The following HTT variants were observed in gnomAD, a reference collection of about 807,000 sequenced individuals.
HTT encodes the protein huntington disease protein.
In HTT, 104 loss-of-function variants were observed where a neutral mutation model predicts 362.3. That is an observed-to-expected ratio of 0.29 (90% CI 0.24 to 0.34). The LOEUF (loss-of-function observed/expected upper bound fraction) is 0.34, where lower values mean the gene tolerates loss of function less well. Among genes scored for constraint, HTT ranks in the 10% least tolerant of loss-of-function variants. The probability of loss-of-function intolerance (pLI) is 1.00; values close to 1 mark genes in which losing one functional copy is unlikely to be tolerated. For synonymous variants in HTT, 1,577 were observed against 1,548.7 expected, an observed-to-expected ratio of 1.02 and a Z score of -0.43; for missense variants, 3,301 against 3,928.6, an observed-to-expected ratio of 0.84 and a Z score of 4.27.
At chr4:3,097,870 G>T (rs896493993) in intron 2 of HTT, among the ~76,000 whole-genome samples, 1 of 152,092 alleles carries the variant, frequency 6.6e-6, no homozygotes, top group African/African-American at 2.4e-5. Flanking sequence ...AATGGTATAC[G>T]AACTTTTTCA....
At chr4:3,202,449 C>G (rs1719627262) in intron 41 of HTT, among the ~76,000 whole-genome samples, 1 of 152,224 alleles carries the variant, frequency 6.6e-6, no homozygotes, top group Admixed American at 6.5e-5. Flanking sequence ...GTGTAAGTCA[C>G]ACTGCGCTGG....
rs961718481 is a variant in HTT at position 3,242,681 on chromosome 4, T to A, written c.*2622T>A. 6.6e-6 allele frequency: 1 copy of A among 152,192 alleles called. No homozygotes were observed. Among genetic ancestry groups the A allele is most frequent in the Non-Finnish European group, 1.5e-5 (1 of 68,030 alleles). 9.4% of individuals were successfully genotyped at this position (152,192 alleles called of 1,614,324 possible). On this transcript the variant is annotated 3_prime_UTR_variant, in exon 67 of 67. Coordinates refer to ENST00000355072, the MANE Select transcript of HTT (RefSeq NM_001388492.1). ...CCTAAAAATCTGTGGCAAGCACCCA[T>A]CGTATTATCCAAATTTTGTTGCAAA...
At chr4:3,115,590 G>A in intron 7 of HTT, 145 bp downstream of exon 7, 1 of 666,250 alleles carries the variant, frequency 1.5e-6, no homozygotes, top group South Asian at 2.0e-5. Flanking sequence ...TGGGGCTGCT[G>A]TGAGCCCGCA....
intron 37 of HTT, among the ~76,000 whole-genome samples, chr4:3,186,115 G>A (rs1369321118): frequency 6.6e-6 from 1 of 152,050 alleles, no homozygotes; most frequent in Non-Finnish European, 1.5e-5. Context: ...ATGGCTATAG[G>A]AACATGGGGC....
At chr4:3,096,512 G>GT (rs1713864833) in intron 2 of HTT, among the ~76,000 whole-genome samples, 1 of 152,184 alleles carries the variant, frequency 6.6e-6, no homozygotes, top group South Asian at 2.1e-4. Context: ...ATTATTCAGA[G>GT]TATGTTTTCT....
At chr4:3,081,550 C>CTTTTTTTTTT (rs770325842) in intron 1 of HTT, among the ~76,000 whole-genome samples, 2 of 84,526 alleles carry the variant, frequency 2.4e-5, no homozygotes, top group Admixed American at 1.5e-4. Context: ...GAAAGCATTT[C>CTTTTTTTTTT]TTTTTTTTTT....
At position 3,240,117 on chromosome 4, in the gene HTT, G is replaced by C; in HGVS notation, c.*58G>C. 1 of 1,421,126 alleles carries C rather than the reference G, an allele frequency of 7.0e-7. No homozygotes were observed. Among genetic ancestry groups the C allele is most frequent in the Non-Finnish European group, 9.7e-7 (1 of 1,033,806 alleles). 88.0% of individuals were successfully genotyped at this position (1,421,126 alleles called of 1,614,324 possible). A position where few individuals can be genotyped will look rare whatever the true frequency, so the allele number is the denominator to read the frequency against. On this transcript the variant is annotated 3_prime_UTR_variant, in exon 67 of 67. Coordinates refer to ENST00000355072, the MANE Select transcript of HTT (RefSeq NM_001388492.1). ...CTGGGGCCGGAGCCTTTGGAAGTCT[G>C]CGCCCTTGTGCCCTGCCTCCACCGA...
intron 40 of HTT, 110 bp from the exon 41 acceptor site, chr4:3,199,622 A>G: frequency 2.3e-6 from 2 of 873,444 alleles, no homozygotes; most frequent in African/African-American, 1.7e-5. Flanking sequence ...TGAATACGTA[A>G]GTATGGGAGA....
intron 51 of HTT, among the ~76,000 whole-genome samples, chr4:3,216,569 G>A (rs903796271): frequency 2.6e-5 from 4 of 152,220 alleles, no homozygotes; most frequent in African/African-American, 9.7e-5. Flanking sequence ...AAACAGTTGA[G>A]ACATCTTGGC....
Position 3,182,298 on chromosome 4 carries a change from A to AG in HTT, c.4750-52dup, listed in dbSNP as rs1718562265. 2.5e-5 allele frequency: 26 copies of AG among 1,051,140 alleles called. No homozygotes were observed. In the South Asian group the frequency reaches 3.4e-4, roughly 14 times the overall value. The allele number at this position is 1,051,140 out of a possible 1,614,324, so 65.1% of individuals were successfully genotyped here. On this transcript the variant is annotated intron_variant, in intron 36 of 66. Coordinates refer to ENST00000355072, the MANE Select transcript of HTT (RefSeq NM_001388492.1). ...GGACAAGTATAACAGACGGACACGT[A>AG]GGGGTGGAAAGGCGTCTCTTGGCAG... is the stretch of plus-strand genomic sequence containing the variant.
intron 21 of HTT, among the ~76,000 whole-genome samples, chr4:3,138,395 C>T (rs768154474): frequency 6.6e-6 from 1 of 152,018 alleles, no homozygotes; most frequent in South Asian, 2.1e-4. Flanking sequence ...ACCTTCCAGC[C>T]TTCCGCCTTG....
Position 3,238,576 on chromosome 4 carries a change from A to G in HTT, c.9021A>G (p.Pro3007=), listed in dbSNP as rs1156430784. Residue 3007 remains proline, a synonymous_variant, in exon 65 of 67, where the codon CCA becomes CCG. Transcript: ENST00000355072. ...GAGAGTTTCTGTCCAACCAGCAGCC[A>G]TACCCCCAGTTCATGGCCACCGTGG... The part of the protein sequence containing the change: ...VIGEFLSNQQ[P]YPQFMATVVY... 19 of 1,612,348 alleles carry G rather than the reference A, an allele frequency of 1.2e-5. No homozygotes were observed. The highest frequency in any genetic ancestry group is 1.5e-5 in the Non-Finnish European group (18 of 1,179,244).
At chr4:3,167,247 A>G (rs1040958562) in intron 29 of HTT, among the ~76,000 whole-genome samples, 1 of 151,948 alleles carries the variant, frequency 6.6e-6, no homozygotes, top group African/African-American at 2.4e-5. Flanking sequence ...AATTTTTTGT[A>G]TTTTTAGTGG....
At chr4:3,196,210 CAGAG>C (rs1447265869) in intron 40 of HTT, among the ~76,000 whole-genome samples, 3 of 152,170 alleles carry the variant, frequency 2.0e-5, no homozygotes, top group Admixed American at 1.3e-4. Flanking sequence ...TTGCTCTCCG[CAGAG>C]AGAGTGATGA....
At chr4:3,089,761 G>A (rs1470043769) in intron 2 of HTT, among the ~76,000 whole-genome samples, 1 of 152,186 alleles carries the variant, frequency 6.6e-6, no homozygotes, top group African/African-American at 2.4e-5. Flanking sequence ...TTCATGGAAT[G>A]TTGGCTTATA....
intron 2 of HTT, among the ~76,000 whole-genome samples, chr4:3,095,311 A>G (rs79342754): frequency 1.3e-5 from 2 of 152,264 alleles, no homozygotes; most frequent in African/African-American, 4.8e-5. Context: ...GATCACTTGC[A>G]GTCAGGAGCT....
At position 3,131,762 on chromosome 4, in the gene HTT, C is replaced by A; in HGVS notation, c.2223C>A (p.Thr741=). Residue 741 remains threonine (T), a synonymous_variant, in exon 16 of 67, where the codon ACC becomes ACA. Coordinates refer to ENST00000355072, the MANE Select transcript of HTT (RefSeq NM_001388492.1). ...FSKLYKVPLD[T]TEYPEEQYVS... is the part of the protein sequence containing the mutation. ...AACTCTATAAAGTTCCTCTTGACAC[C>A]ACGGAATACCCTGGTATGTTAAAAG... 6.2e-7 allele frequency: 1 copy of A among 1,613,716 alleles called. No individual in the cohort carries two copies. The highest frequency in any genetic ancestry group is 8.5e-7 in the Non-Finnish European group (1 of 1,179,728).
At position 3,087,033 on chromosome 4, in the gene HTT, T is replaced by C. The variant is rs750628927; in HGVS notation, c.347+11T>C. On this transcript the variant is annotated intron_variant, in intron 2 of 66. Coordinates refer to ENST00000355072, the MANE Select transcript of HTT (RefSeq NM_001388492.1). ...GGCACAGTCTGTCAGGTAATTGCACTTTGAACTGTCTAGAGAAAATAAGAA... is the reference window on the plus strand; with the variant it reads ...GGCACAGTCTGTCAGGTAATTGCACCTTGAACTGTCTAGAGAAAATAAGAA... 1.3e-5 allele frequency: 20 copies of C among 1,482,508 alleles called. No individual in the cohort carries two copies. Among genetic ancestry groups the C allele is most frequent in the Non-Finnish European group, 1.9e-5 (20 of 1,061,910 alleles). 91.8% of individuals were successfully genotyped at this position (1,482,508 alleles called of 1,614,324 possible).
At chr4:3,239,150 G>T (rs574025761) in intron 66 of HTT, among the ~76,000 whole-genome samples, 172 bp downstream of exon 66, 1 of 152,172 alleles carries the variant, frequency 6.6e-6, no homozygotes, top group African/African-American at 2.4e-5. Context: ...AAAGGAGCAC[G>T]TCCAGACATT....
Sources: allele counts gnomAD v4.1 joint callset (sites outside exome capture counted in the v4.1 genomes callset), GRCh38; gene constraint gnomAD v4.1.1; transcripts MANE v1.5; gene names NCBI Gene and HGNC (gene_info 2026-07-23, HGNC 2026-07-21).